Variants in PCDHA12 observed in about 807,000 individuals in gnomAD.
PCDHA12 encodes the protein protocadherin alpha 12.
In PCDHA12, 44 loss-of-function variants were observed where a neutral mutation model predicts 60.0. That is an observed-to-expected ratio of 0.73 (90% CI 0.58 to 0.94). PCDHA12 has a LOEUF of 0.94. Ranked by LOEUF, PCDHA12 falls within the 40% of genes least tolerant of loss-of-function variation. The pLI is 0.00. For synonymous variants in PCDHA12, 569 were observed against 553.0 expected (o/e 1.03, Z -0.40); for missense variants, 1,276 against 1,239.7 (o/e 1.03, Z -0.44).
rs77462249 is a variant in PCDHA12 at position 141,008,293 on chromosome 5, C to G, written c.2516-1334C>G. ...ATAGGAAATTGAAATAGCAGTTGTA[C>G]CCAACCCTAAACTGTAATTGAACAT... On this transcript the variant is annotated intron_variant, in intron 3 of 3. Coordinates refer to ENST00000398631, the MANE Select transcript of PCDHA12 (RefSeq NM_018903.4). 3.5e-3 allele frequency among the ~76,000 whole-genome samples: 527 copies of G among 152,254 alleles called. 1 individual carries two copies. The highest frequency in any genetic ancestry group is 5.9e-3 in the Non-Finnish European group (399 of 68,006).
chr5:140,966,645 C>T (rs369620766), intron 1 of PCDHA12: 7 of 1,125,658 alleles, frequency 6.2e-6, no homozygotes, highest in Non-Finnish European at 8.2e-6. Flanking sequence ...CTTTCTAGAG[C>T]GTGAGCGGTG....
chr5:141,009,690 T>G lies in PCDHA12; in HGVS notation c.2579T>G (p.Phe860Cys). The G allele has an allele frequency of 6.2e-7, 1 of 1,614,068 alleles. No homozygotes were observed. The highest frequency in any genetic ancestry group is 8.5e-7 in the Non-Finnish European group (1 of 1,180,024). The change falls in exon 4 of 4, where the codon TTT (phenylalanine) becomes TGT (cysteine). Residue 860 changes from phenylalanine to cysteine, a missense_variant. Phe to Cys is a radical substitution (Grantham distance 205). Coordinates refer to ENST00000398631, the MANE Select transcript of PCDHA12 (RefSeq NM_018903.4). ...GGTGTCAACAGCAACAGCTGGACCT[T>G]TAAATACGGACCAGGCAACCCCAAA... ...GAGVNSNSWT[F>C]KYGPGNPKQS...
At position 140,876,299 on chromosome 5, in the gene PCDHA12, A is replaced by G; in HGVS notation, c.827A>G (p.Glu276Gly). 2 of 1,614,062 alleles carry G rather than the reference A, an allele frequency of 1.2e-6. No individual in the cohort carries two copies. Among genetic ancestry groups the G allele is most frequent in the South Asian group, 2.2e-5 (2 of 91,084 alleles). Residue 276 changes from glutamate (E) to glycine (G), a missense_variant, in exon 1 of 4, where the codon GAA becomes GGA. Physicochemically the swap from Glu to Gly is moderately conservative, Grantham distance 98 (BLOSUM62 -2). Coordinates refer to ENST00000398631, the MANE Select transcript of PCDHA12 (RefSeq NM_018903.4). Reference protein sequence around the residue: ...ASDPDEGLNGEISYGIKMILP... With the variant: ...ASDPDEGLNGGISYGIKMILP... The stretch of plus-strand genomic sequence containing the variant: ...GATCCAGACGAAGGACTTAATGGAG[A>G]AATTTCCTATGGGATCAAAATGATT...
chr5:140,904,416 A>T (rs930452191), intron 1 of PCDHA12, among the ~76,000 whole-genome samples: 1 of 150,980 alleles, frequency 6.6e-6, no homozygotes, highest in Non-Finnish European at 1.5e-5. Context: ...TATATAATAC[A>T]TATATTTTAT....
chr5:140,985,878 T>A (rs891027308), intron 3 of PCDHA12, among the ~76,000 whole-genome samples: 1 of 151,822 alleles, frequency 6.6e-6, no homozygotes, highest in South Asian at 2.1e-4. Flanking sequence ...TAGCTGGGAC[T>A]ACAGGCGCCC....
intron 3 of PCDHA12, among the ~76,000 whole-genome samples, chr5:140,985,205 G>C (rs1554246849): frequency 6.6e-6 from 1 of 152,092 alleles, no homozygotes; most frequent in African/African-American, 2.4e-5. Flanking sequence ...CCAAAGTGTT[G>C]GGATTACAGG....
chr5:140,924,110 CAGTT>C (rs1462987261), intron 1 of PCDHA12, among the ~76,000 whole-genome samples: 2 of 152,206 alleles, frequency 1.3e-5, no homozygotes, highest in Non-Finnish European at 2.9e-5. Flanking sequence ...CATTCCAAAG[CAGTT>C]AGCTTGCTTA....
chr5:140,893,519 C>T (rs1199543838), intron 1 of PCDHA12, among the ~76,000 whole-genome samples: 1 of 152,084 alleles, frequency 6.6e-6, no homozygotes, highest in African/African-American at 2.4e-5. Flanking sequence ...AGTTGTAGAA[C>T]TCCTTTAAGT....
At chr5:140,984,976 C>A (rs905264957) in intron 3 of PCDHA12, among the ~76,000 whole-genome samples, 8 of 151,910 alleles carry the variant, frequency 5.3e-5, no homozygotes, top group African/African-American at 1.9e-4. Flanking sequence ...CTCGCTCTGT[C>A]CCCCAGGCTG....
intron 1 of PCDHA12, among the ~76,000 whole-genome samples, chr5:140,936,139 C>T (rs1166879357): frequency 6.6e-6 from 1 of 152,078 alleles, no homozygotes; most frequent in Non-Finnish European, 1.5e-5. Flanking sequence ...GTGATCTGCC[C>T]GCCTTGGCCT....
At chr5:140,936,291 A>G (rs996685658) in intron 1 of PCDHA12, among the ~76,000 whole-genome samples, 2 of 152,174 alleles carry the variant, frequency 1.3e-5, no homozygotes, top group African/African-American at 4.8e-5. Flanking sequence ...CTTCTATAAC[A>G]TTGCTATCCA....
At chr5:140,999,419 G>A (rs2097856786) in intron 3 of PCDHA12, among the ~76,000 whole-genome samples, 1 of 152,182 alleles carries the variant, frequency 6.6e-6, no homozygotes, top group Non-Finnish European at 1.5e-5. Flanking sequence ...TGGGAGCTAA[G>A]AGGCCAAGTA....
At chr5:140,971,752 A>C (rs1367685618) in intron 1 of PCDHA12, among the ~76,000 whole-genome samples, 2 of 138,248 alleles carry the variant, frequency 1.4e-5, no homozygotes, top group Non-Finnish European at 3.3e-5. Context: ...TATATCTCAT[A>C]TTACTGAATC....
At chr5:140,878,099 C>T (rs1270449354) in intron 1 of PCDHA12, 2 of 277,184 alleles carry the variant, frequency 7.2e-6, no homozygotes, top group Non-Finnish European at 1.3e-5. Flanking sequence ...GACTGATGAA[C>T]CTTGAAAAAA....
intron 1 of PCDHA12, among the ~76,000 whole-genome samples, chr5:140,941,319 CT>C (rs70988781): frequency 0.38 from 39,984 of 104,186 alleles, 7,512 homozygotes; most frequent in East Asian, 0.57. Flanking sequence ...TCTTCTTTCT[CT>C]TTTTTTTTTT....
chr5:140,995,276 C>T (rs2097674050), intron 3 of PCDHA12, among the ~76,000 whole-genome samples: 4 of 152,030 alleles, frequency 2.6e-5, no homozygotes, highest in Non-Finnish European at 1.5e-5. Flanking sequence ...CCCTTTGATA[C>T]CAAAACAGCC....
intron 1 of PCDHA12, chr5:140,928,899 T>C (rs2085633672): frequency 2.5e-6 from 4 of 1,614,088 alleles, no homozygotes; most frequent in South Asian, 1.1e-5. Flanking sequence ...ACTTTGAAGA[T>C]GTCTGGGAAC....
chr5:140,886,637 C>A (rs1379156415), intron 1 of PCDHA12, among the ~76,000 whole-genome samples: 3 of 151,848 alleles, frequency 2.0e-5, no homozygotes, highest in Non-Finnish European at 4.4e-5. Context: ...ACCAGCCTGG[C>A]CAACATGGTG....
intron 1 of PCDHA12, among the ~76,000 whole-genome samples, chr5:140,977,055 A>T (rs1220462981): frequency 1.3e-5 from 2 of 152,234 alleles, no homozygotes; most frequent in African/African-American, 4.8e-5. Flanking sequence ...CTGATGGACT[A>T]GTATAGAAAA....
Sources: gnomAD v4.1 joint callset for allele counts (sites outside exome capture counted in the v4.1 genomes callset) on GRCh38, gnomAD v4.1.1 for gene constraint, MANE v1.5 for transcripts, NCBI Gene and HGNC (gene_info 2026-07-23, HGNC 2026-07-21) for gene names.